Variants in KIR2DL3 observed in about 807,000 individuals in gnomAD.
KIR2DL3 encodes killer cell immunoglobulin like receptor, two Ig domains and long cytoplasmic tail 3.
Under a neutral mutation model 33.8 loss-of-function variants are expected in KIR2DL3, and 39 were observed. That is an observed-to-expected ratio of 1.15 (90% CI 0.89 to 1.51). The LOEUF is 1.51. Among genes scored for constraint, KIR2DL3 ranks in the 40% most tolerant of loss-of-function variants. The pLI, the probability that KIR2DL3 is intolerant of heterozygous loss-of-function variation, is 0.00. For synonymous variants in KIR2DL3, 174 were observed against 160.2 expected (o/e 1.09, Z -0.65); for missense variants, 462 against 426.2 (o/e 1.08, Z -0.74).
At chr19:54,739,023 T>TG (rs2070418066) in intron 1 of KIR2DL3, among the ~76,000 whole-genome samples, 1 of 130,332 alleles carries the variant, frequency 7.7e-6, no homozygotes, top group East Asian at 2.4e-4. Context: ...GATATGGGCC[T>TG]GGAGTGGAGA....
chr19:54,749,881 C>A lies in KIR2DL3; in HGVS notation c.716-1768C>A, dbSNP rs1443962495. On this transcript the variant is annotated intron_variant, in intron 5 of 7. Coordinates refer to ENST00000342376, the MANE Select transcript of KIR2DL3 (RefSeq NM_015868.3). ...CATCACTGCACTCCAGCCTGGGGGACACAAGGAGACTCTATCTCAAAAAAT... is the reference window on the plus strand; with the variant it reads ...CATCACTGCACTCCAGCCTGGGGGAAACAAGGAGACTCTATCTCAAAAAAT... Among the ~76,000 whole-genome samples the A allele has an allele frequency of 6.1e-5, 5 of 81,852 alleles. 1 individual carries two copies. The highest frequency in any genetic ancestry group is 1.2e-4 in the Non-Finnish European group (5 of 40,516). 53.7% of individuals were successfully genotyped at this position (81,852 alleles called of 152,430 possible). A position where few individuals can be genotyped will look rare whatever the true frequency, so the allele number is the denominator to read the frequency against.
intron 5 of KIR2DL3, among the ~76,000 whole-genome samples, chr19:54,749,121 G>T (rs1363741336): frequency 6.6e-6 from 1 of 151,790 alleles, no homozygotes; most frequent in South Asian, 2.1e-4. Flanking sequence ...GAAGGAAGAG[G>T]CTCTGCCTCA....
intron 3 of KIR2DL3, among the ~76,000 whole-genome samples, chr19:54,742,774 G>A (rs1238868162): frequency 9.3e-5 from 14 of 151,164 alleles, no homozygotes; most frequent in African/African-American, 3.2e-4. Flanking sequence ...GGATATCATG[G>A]CCCCAGAACA....
chr19:54,739,390 T>C, intron 1 of KIR2DL3, 117 bp from the exon 2 acceptor site: 2 of 1,558,406 alleles, frequency 1.3e-6, no homozygotes, highest in Non-Finnish European at 1.8e-6. Flanking sequence ...GCACTGAGGG[T>C]GAGTTTAACT....
At chr19:54,740,698 G>A (rs1416897063) in intron 2 of KIR2DL3, among the ~76,000 whole-genome samples, 2 of 151,930 alleles carry the variant, frequency 1.3e-5, no homozygotes, top group Admixed American at 6.6e-5. Context: ...GGGTGCTGTG[G>A]TGGGAAGAAT....
rs754445199 is a variant in KIR2DL3, at chr19:54,750,848, G to T, written c.716-801G>T. On this transcript the variant is annotated intron_variant, in intron 5 of 7. Coordinates refer to ENST00000342376, the MANE Select transcript of KIR2DL3 (RefSeq NM_015868.3). The stretch of plus-strand genomic sequence containing the variant: ...CGGGACATATGGAGTCACCCCATTT[G>T]CAGTGTAGCTGGGGGAAGCCAGAGA... Among the ~76,000 whole-genome samples, 3 of 133,910 alleles carry T rather than the reference G, an allele frequency of 2.2e-5. 1 individual carries two copies. The highest frequency in any genetic ancestry group is 4.9e-5 in the Non-Finnish European group (3 of 60,998). 87.9% of individuals were successfully genotyped at this position (133,910 alleles called of 152,430 possible).
rs994107230 is a variant in KIR2DL3 at position 54,752,384 on chromosome 19, C to A, written c.891C>A (p.Asp297Glu). The change falls in exon 8 of 8, where the codon GAC becomes GAA. Residue 297 changes from aspartate to glutamate, a missense_variant. By Grantham distance (45) the Asp-to-Glu change is conservative. Transcript: ENST00000342376. ...TVNREDSDEQDPQEVTYAQLN... is the reference protein window; with the variant it reads ...TVNREDSDEQEPQEVTYAQLN... ...CTCTCCAGGACTCTGATGAACAAGA[C>A]CCTCAGGAGGTGACATATGCACAGT... 24 of 1,471,800 alleles carry A rather than the reference C, an allele frequency of 1.6e-5. 4 individuals carry two copies. The highest frequency in any genetic ancestry group is 2.0e-5 in the Non-Finnish European group (22 of 1,081,130). The allele number at this position is 1,471,800 out of a possible 1,614,324, so 91.2% of individuals were successfully genotyped here.
At chr19:54,752,101 G>A in intron 6 of KIR2DL3, 115 bp from the exon 7 acceptor site, 1 of 1,171,170 alleles carries the variant, frequency 8.5e-7, no homozygotes. Flanking sequence ...GTCTGCTGTT[G>A]GCAACTGAGG....
chr19:54,749,051 A>T (rs1185291771), intron 5 of KIR2DL3, among the ~76,000 whole-genome samples: 2 of 152,120 alleles, frequency 1.3e-5, no homozygotes, highest in South Asian at 2.1e-4. Flanking sequence ...GATTGGCGGA[A>T]GGATTTTGCA....
At position 54,744,034 on chromosome 19, in the gene KIR2DL3, G is replaced by A. The variant is rs1205277396; in HGVS notation, c.610G>A (p.Asp204Asn). The A allele has an allele frequency of 1.2e-6, 2 of 1,614,228 alleles. No homozygotes were observed. The highest frequency in any genetic ancestry group is 1.7e-6 in the Non-Finnish European group (2 of 1,180,048). Residue 204 changes from aspartate to asparagine, a missense_variant, in exon 4 of 8, where the codon GAC becomes AAC. By Grantham distance (23) the Asp-to-Asn change is conservative. Transcript: ENST00000342376. ...CTACAGATGCTTCGGCTCTTTCCGTGACTCTCCATACGAGTGGTCAAACTC... is the reference window on the plus strand; with the variant it reads ...CTACAGATGCTTCGGCTCTTTCCGTAACTCTCCATACGAGTGGTCAAACTC... ...GTYRCFGSFR[D>N]SPYEWSNSSD... is the part of the protein sequence containing the mutation.
At chr19:54,741,121 T>A (rs1333835489) in intron 2 of KIR2DL3, among the ~76,000 whole-genome samples, 7 of 151,208 alleles carry the variant, frequency 4.6e-5, no homozygotes, top group African/African-American at 1.7e-4. Flanking sequence ...TTCTGATAAT[T>A]TTCTACAGCA....
chr19:54,744,530 A>ATT (rs199781218), intron 4 of KIR2DL3, among the ~76,000 whole-genome samples: 32 of 141,596 alleles, frequency 2.3e-4, no homozygotes, highest in African/African-American at 8.0e-4. Flanking sequence ...CACCTTTAAC[A>ATT]TTTTTTTTTT....
intron 1 of KIR2DL3, 67 bp from the exon 2 acceptor site, chr19:54,739,440 A>C: frequency 6.2e-7 from 1 of 1,611,706 alleles, no homozygotes. Flanking sequence ...CTCACAGCCC[A>C]GTGGGGGCAG....
chr19:54,744,428 C>A (rs1433731585), intron 4 of KIR2DL3, among the ~76,000 whole-genome samples: 1 of 152,160 alleles, frequency 6.6e-6, no homozygotes, highest in African/African-American at 2.4e-5. Flanking sequence ...GGCCTCTCAC[C>A]CACACAGGGA....
chr19:54,746,719 A>G (rs1444753532), intron 4 of KIR2DL3, among the ~76,000 whole-genome samples: 8 of 150,336 alleles, frequency 5.3e-5, no homozygotes, highest in African/African-American at 1.7e-4. Flanking sequence ...ATGGTGGCTG[A>G]CACCTGCAAT....
chr19:54,751,180 G>A (rs549663395), intron 5 of KIR2DL3, among the ~76,000 whole-genome samples: 1 of 132,278 alleles, frequency 7.6e-6, no homozygotes, highest in East Asian at 2.0e-4. Context: ...GGGAAGGAGG[G>A]TCTGTCTGTG....
intron 5 of KIR2DL3, 59 bp from the exon 6 acceptor site, chr19:54,751,590 C>G (rs1417602439): frequency 2.3e-6 from 3 of 1,285,900 alleles, no homozygotes; most frequent in African/African-American, 3.3e-5. Flanking sequence ...AAATGTGAGA[C>G]AATTCATAAA....
intron 3 of KIR2DL3, among the ~76,000 whole-genome samples, chr19:54,743,547 A>C (rs1326882250): frequency 1.3e-5 from 2 of 152,206 alleles, no homozygotes; most frequent in South Asian, 4.1e-4. Context: ...CAATCCAAGG[A>C]GAGTCAGAGA....
Position 54,739,493 on chromosome 19 carries a change from ATCTT to A in KIR2DL3, c.35-7_35-4del. The A allele has an allele frequency of 1.3e-6, 2 of 1,584,218 alleles. No individual in the cohort carries two copies. Among genetic ancestry groups the A allele is most frequent in the Non-Finnish European group, 1.7e-6 (2 of 1,160,082 alleles). The stretch of plus-strand genomic sequence containing the variant: ...GCCTGCAGATGGATGGTCCATCATG[ATCTT>A]TCTTTCCAGGGTTCTTCTTGCTGCA... On this transcript the variant is annotated splice_polypyrimidine_tract_variant and intron_variant, in intron 1 of 7. Coordinates refer to ENST00000342376, the MANE Select transcript of KIR2DL3 (RefSeq NM_015868.3).
Sources: allele counts gnomAD v4.1 joint callset (sites outside exome capture counted in the v4.1 genomes callset), GRCh38; gene constraint gnomAD v4.1.1; transcripts MANE v1.5; gene names NCBI Gene and HGNC (gene_info 2026-07-23, HGNC 2026-07-21).